Variants in ZBTB38 observed in about 807,000 individuals in gnomAD.
ZBTB38 encodes zinc finger and BTB domain containing 38.
Under a neutral mutation model 76.8 loss-of-function variants are expected in ZBTB38, and 20 were observed. The observed-to-expected ratio is 0.26, with a 90% CI of 0.18 to 0.38. The LOEUF is 0.38. Ranked by LOEUF, ZBTB38 falls within the 10% of genes least tolerant of loss-of-function variation. ZBTB38 has a pLI of 1.00. For missense variants in ZBTB38, 1,082 were observed against 1,482.3 expected, an observed-to-expected ratio of 0.73 and a Z score of 4.43; for synonymous variants, 504 against 544.2, an observed-to-expected ratio of 0.93 and a Z score of 1.03.
intron 1 of ZBTB38, among the ~76,000 whole-genome samples, chr3:141,330,029 T>G (rs555607497): frequency 6.6e-6 from 1 of 151,896 alleles, no homozygotes; most frequent in African/African-American, 2.4e-5. Flanking sequence ...ATACATTTAT[T>G]TATGTATGCA....
intron 1 of ZBTB38, among the ~76,000 whole-genome samples, chr3:141,332,544 T>A (rs1275159188): frequency 6.6e-6 from 1 of 152,176 alleles, no homozygotes; most frequent in African/African-American, 2.4e-5. Flanking sequence ...TGGGGATGTG[T>A]CTTGTACTTT....
chr3:141,431,341 A>ATATAT (rs1553771300), intron 5 of ZBTB38, among the ~76,000 whole-genome samples: 1 of 103,296 alleles, frequency 9.7e-6, no homozygotes, highest in African/African-American at 6.0e-5. Context: ...AAAAAAAAAA[A>ATATAT]ATATATATAT....
Position 141,443,697 on chromosome 3 carries a change from T to C in ZBTB38, c.1309T>C (p.Phe437Leu), listed in dbSNP as rs747137077. 1.9e-6 allele frequency: 3 copies of C among 1,613,988 alleles called. No individual in the cohort carries two copies. Among genetic ancestry groups the C allele is most frequent in the Non-Finnish European group, 1.7e-6 (2 of 1,180,056 alleles). Residue 437 changes from phenylalanine (F) to leucine (L), a missense_variant, in exon 6 of 6, where the codon TTT (phenylalanine) becomes CTT (leucine). Around this residue, in one of 8 missense-constraint regions of ZBTB38, gnomAD observed 324 missense variants for 359.1 expected, o/e 0.90. Coordinates refer to ENST00000321464, the MANE Select transcript of ZBTB38 (RefSeq NM_001376113.1). This position sits in a 1 kb window ranked among gnomAD's most constrained non-coding sequence, Gnocchi z 5.6. Reference protein sequence around the residue: ...PLLSENRIGEFSSTGSTLPDT... With the variant: ...PLLSENRIGELSSTGSTLPDT... Reference sequence around the variant, plus strand: ...ATTATCTGAAAATAGGATTGGTGAATTTTCCAGTACCGGAAGTACTTTGCC... The same window carrying C: ...ATTATCTGAAAATAGGATTGGTGAACTTTCCAGTACCGGAAGTACTTTGCC...
chr3:141,357,466 C>A (rs962060473), intron 1 of ZBTB38, among the ~76,000 whole-genome samples: 3 of 152,072 alleles, frequency 2.0e-5, no homozygotes, highest in Non-Finnish European at 4.4e-5. Context: ...TAAAAATATT[C>A]TTTTATTTTT....
intron 2 of ZBTB38, among the ~76,000 whole-genome samples, chr3:141,380,930 G>A (rs1946112051): frequency 6.6e-6 from 1 of 152,184 alleles, no homozygotes; most frequent in Admixed American, 6.5e-5. Flanking sequence ...CTCACATGAG[G>A]TGGATTTTTA....
intron 5 of ZBTB38, among the ~76,000 whole-genome samples, chr3:141,414,560 T>A (rs149772434): frequency 2.8e-4 from 43 of 152,312 alleles, no homozygotes; most frequent in African/African-American, 9.9e-4. Flanking sequence ...TCCAGGGACA[T>A]CTGGAAGGCA....
chr3:141,416,056 T>G (rs1291944881), intron 5 of ZBTB38, among the ~76,000 whole-genome samples: 1 of 151,890 alleles, frequency 6.6e-6, no homozygotes, highest in African/African-American at 2.4e-5. Flanking sequence ...AAAAGGGAGG[T>G]GTAGCTGAAC....
chr3:141,376,506 G>A (rs1241998012), intron 2 of ZBTB38, among the ~76,000 whole-genome samples: 2 of 152,196 alleles, frequency 1.3e-5, no homozygotes, highest in Non-Finnish European at 2.9e-5. Flanking sequence ...GTCATGATGA[G>A]TAAGAGTTCT....
Position 141,435,429 on chromosome 3 carries a change from A to G in ZBTB38, c.1-6960A>G, listed in dbSNP as rs112913155. Among the ~76,000 whole-genome samples, 126 of 152,332 alleles carry G rather than the reference A, an allele frequency of 8.3e-4. 3 individuals carry two copies. The highest frequency in any genetic ancestry group is 2.9e-3 in the African/African-American group (119 of 41,574). On this transcript the variant is annotated intron_variant, in intron 5 of 5. Transcript: ENST00000321464. ...TATTCATGCTTGTATTTGCACATAC[A>G]TGTGGCTATATACACATGTGTAATA...
At chr3:141,420,995 A>T (rs2075222323) in intron 5 of ZBTB38, among the ~76,000 whole-genome samples, 1 of 150,730 alleles carries the variant, frequency 6.6e-6, no homozygotes, top group Admixed American at 6.6e-5. Flanking sequence ...GAATAAAACA[A>T]GGGAAGAAAG....
At chr3:141,438,883 G>A (rs889811813) in intron 5 of ZBTB38, among the ~76,000 whole-genome samples, 6 of 151,650 alleles carry the variant, frequency 4.0e-5, no homozygotes, top group African/African-American at 7.3e-5. Context: ...AGACGCTGTC[G>A]ACTGGGCTGC....
intron 1 of ZBTB38, among the ~76,000 whole-genome samples, chr3:141,326,331 G>A (rs1482625538): frequency 2.6e-5 from 4 of 152,178 alleles, no homozygotes. Flanking sequence ...CAATAAGGAG[G>A]AAAAGAGAAT....
At chr3:141,342,392 C>CAAAAAAAAA (rs58284476) in intron 1 of ZBTB38, among the ~76,000 whole-genome samples, 2 of 97,638 alleles carry the variant, frequency 2.0e-5, no homozygotes. Flanking sequence ...GACTCTGTCT[C>CAAAAAAAAA]AAAAAAAAAA....
intron 5 of ZBTB38, among the ~76,000 whole-genome samples, chr3:141,418,439 G>A (rs374673055): frequency 2.2e-4 from 33 of 152,092 alleles, no homozygotes; most frequent in East Asian, 1.5e-3. Context: ...ACTGACTCCT[G>A]TTCCCCAGTT....
At chr3:141,396,772 G>T (rs1220522615) in intron 4 of ZBTB38, among the ~76,000 whole-genome samples, 1 of 152,180 alleles carries the variant, frequency 6.6e-6, no homozygotes, top group Non-Finnish European at 1.5e-5. Flanking sequence ...CACAGTTCTT[G>T]GGTGACCAGG....
In ZBTB38 at chr3:141,445,311, G is replaced by A. The variant is rs1274845109; in HGVS notation, c.2923G>A (p.Glu975Lys). 3.1e-6 allele frequency: 5 copies of A among 1,614,046 alleles called. No individual in the cohort carries two copies. The Admixed American group carries it at 6.7e-5, about 22-fold the overall frequency. The change falls in exon 6 of 6, where the codon GAA becomes AAA. Residue 975 changes from glutamate to lysine, a missense_variant. Physicochemically the swap from Glu to Lys is moderately conservative, Grantham distance 56 (BLOSUM62 1). Transcript: ENST00000321464. The surrounding 1 kb of genome is among the most constrained non-coding windows in gnomAD (Gnocchi z 6.5). ...TCAGGATAAACCCTTTGAGGAAGAAGAAACTAAAGAGATGCCCAAGCTGCA... is the reference window on the plus strand; with the variant it reads ...TCAGGATAAACCCTTTGAGGAAGAAAAAACTAAAGAGATGCCCAAGCTGCA... Reference protein sequence around the residue: ...APQDKPFEEEETKEMPKLQCE... With the variant: ...APQDKPFEEEKTKEMPKLQCE...
At chr3:141,337,223 T>C (rs1943041411) in intron 1 of ZBTB38, among the ~76,000 whole-genome samples, 1 of 152,240 alleles carries the variant, frequency 6.6e-6, no homozygotes, top group African/African-American at 2.4e-5. Context: ...GTGTATTTCA[T>C]CTGCAACTTG....
chr3:141,368,305 G>T (rs1212308250), upstream of ZBTB38: 1 of 152,848 alleles, frequency 6.5e-6, no homozygotes, highest in Non-Finnish European at 1.5e-5. Context: ...CTGGGGGTGG[G>T]GAGACGGCAG....
intron 5 of ZBTB38, chr3:141,427,910 G>C (rs2076705457): frequency 6.6e-6 from 1 of 152,284 alleles, no homozygotes; most frequent in African/African-American, 2.4e-5. Flanking sequence ...AATCCTGGCT[G>C]TGCCAGTGTT....
Sources: allele counts gnomAD v4.1 joint callset (sites outside exome capture counted in the v4.1 genomes callset), GRCh38; gene constraint gnomAD v4.1.1; regional missense constraint gnomAD v4.1.1; non-coding constraint Gnocchi (gnomAD v3.1); transcripts MANE v1.5; gene names NCBI Gene and HGNC (gene_info 2026-07-23, HGNC 2026-07-21).